The following TAFA4 variants were observed in gnomAD, a reference collection of about 807,000 sequenced individuals.
The protein encoded by TAFA4 is chemokine-like protein TAFA-4.
Under a neutral mutation model 21.1 loss-of-function variants are expected in TAFA4, and 20 were observed. The observed-to-expected ratio is 0.95, with a 90% confidence interval of 0.67 to 1.38. TAFA4 has a LOEUF of 1.38. Ranked by LOEUF, TAFA4 falls within the 40% of genes most tolerant of loss-of-function variation. TAFA4 has a pLI of 0.00. For missense variants in TAFA4, 211 were observed against 180.9 expected, an observed-to-expected ratio of 1.17 and a Z score of -0.95; for synonymous variants, 71 against 67.4, an observed-to-expected ratio of 1.05 and a Z score of -0.26.
At chr3:68,776,137 A>G (rs774265462) in intron 3 of TAFA4, among the ~76,000 whole-genome samples, 1 of 152,166 alleles carries the variant, frequency 6.6e-6, no homozygotes. Flanking sequence ...GCAAGCAGAA[A>G]ACAAAAAAAT....
At chr3:68,752,043 A>G (rs1702564804) in intron 4 of TAFA4, among the ~76,000 whole-genome samples, 1 of 152,208 alleles carries the variant, frequency 6.6e-6, no homozygotes, top group Non-Finnish European at 1.5e-5. Flanking sequence ...AATGGGATGC[A>G]GGTAAATCAG....
At chr3:68,915,887 A>C (rs933562747) in intron 1 of TAFA4, among the ~76,000 whole-genome samples, 3 of 152,214 alleles carry the variant, frequency 2.0e-5, no homozygotes, top group Admixed American at 2.0e-4. Flanking sequence ...AATTTATAAG[A>C]GAAATTTCTA....
chr3:68,873,337 T>TAC (rs34998311), intron 3 of TAFA4, among the ~76,000 whole-genome samples: 7,389 of 133,416 alleles, frequency 0.055, 294 homozygotes, highest in African/African-American at 0.11. Flanking sequence ...CACGCAGACA[T>TAC]ACACACACAC....
chr3:68,741,406 T>A (rs1702349659), intron 4 of TAFA4, among the ~76,000 whole-genome samples: 1 of 152,196 alleles, frequency 6.6e-6, no homozygotes, highest in Non-Finnish European at 1.5e-5. Flanking sequence ...CTTCCTTAAT[T>A]TCTTGGATTG....
intron 3 of TAFA4, among the ~76,000 whole-genome samples, chr3:68,874,287 A>T (rs530014653): frequency 6.6e-6 from 1 of 152,264 alleles, no homozygotes; most frequent in East Asian, 1.9e-4. Flanking sequence ...ATGGGTTTTT[A>T]AATGTCCCTT....
At chr3:68,921,772 G>A (rs1013926945) in intron 1 of TAFA4, among the ~76,000 whole-genome samples, 4 of 152,234 alleles carry the variant, frequency 2.6e-5, no homozygotes, top group East Asian at 1.9e-4. Context: ...AAAGTATATG[G>A]AAATTGAAGC....
In TAFA4 at chr3:68,841,131, G is replaced by A. The variant is rs964479515; in HGVS notation, c.130+39599C>T. Among the ~76,000 whole-genome samples the A allele has an allele frequency of 2.6e-4, 19 of 74,024 alleles. 4 individuals are homozygous for A. Among genetic ancestry groups the A allele is most frequent in the Non-Finnish European group, 4.7e-4 (13 of 27,764 alleles). The allele number at this position is 74,024 out of a possible 152,430, so 48.6% of individuals were successfully genotyped here. A position where few individuals can be genotyped will look rare whatever the true frequency, so the allele number is the denominator to read the frequency against. On this transcript the variant is annotated intron_variant, in intron 3 of 5. Transcript: ENST00000295569. Reference sequence around the variant, plus strand: ...GAGGTCAGGAGATCGAGACCATCCCGGCTAAAACGGTGAAACCCCGTCTCT... The same window carrying A: ...GAGGTCAGGAGATCGAGACCATCCCAGCTAAAACGGTGAAACCCCGTCTCT...
intron 1 of TAFA4, among the ~76,000 whole-genome samples, chr3:68,898,504 G>C (rs568196347): frequency 2.4e-4 from 36 of 152,274 alleles, no homozygotes; most frequent in Middle Eastern, 3.4e-3. Context: ...AAATTAGCCA[G>C]GCATAGTGGC....
At chr3:68,846,528 A>G (rs1037591393) in intron 3 of TAFA4, among the ~76,000 whole-genome samples, 4 of 152,010 alleles carry the variant, frequency 2.6e-5, no homozygotes, top group Non-Finnish European at 5.9e-5. Context: ...TCAACTCGTC[A>G]AACTCATTCT....
chr3:68,741,157 G>A (rs991363848), intron 4 of TAFA4, among the ~76,000 whole-genome samples: 1 of 152,080 alleles, frequency 6.6e-6, no homozygotes, highest in South Asian at 2.1e-4. Flanking sequence ...TGAATTTTAG[G>A]ACTGTTTTTC....
intron 3 of TAFA4, among the ~76,000 whole-genome samples, chr3:68,879,775 A>G (rs1197380072): frequency 6.6e-6 from 1 of 152,206 alleles, no homozygotes; most frequent in Admixed American, 6.5e-5. Flanking sequence ...GACATGTTAT[A>G]TATTTGGTGG....
intron 3 of TAFA4, among the ~76,000 whole-genome samples, chr3:68,802,057 T>G (rs6773337): frequency 0.43 from 66,039 of 151,920 alleles, 14,637 homozygotes; most frequent in Non-Finnish European, 0.46. Context: ...AATACACATC[T>G]ATGTTCACAA....
intron 3 of TAFA4, among the ~76,000 whole-genome samples, chr3:68,774,051 G>A (rs1028006063): frequency 6.6e-6 from 1 of 152,110 alleles, no homozygotes; most frequent in African/African-American, 2.4e-5. Context: ...ATGAACTACA[G>A]CAGTCAAGCT....
chr3:68,763,435 T>A (rs192950178), intron 3 of TAFA4, among the ~76,000 whole-genome samples: 64 of 152,268 alleles, frequency 4.2e-4, no homozygotes, highest in Non-Finnish European at 1.8e-4. Context: ...TTTAATATAT[T>A]TCAAGGAAAA....
In TAFA4 at chr3:68,912,553, A is replaced by T. The variant is rs143081528; in HGVS notation, c.-123+19687T>A. On this transcript the variant is annotated intron_variant, in intron 1 of 5. Coordinates refer to ENST00000295569, the MANE Select transcript of TAFA4 (RefSeq NM_182522.5). ...CTGCCGTGTTTTCGCAGTGTTGGGG[A>T]CCAGATGAGCGAGCGAGCGGCATGC... Among the ~76,000 whole-genome samples, 156 of 152,336 alleles carry T rather than the reference A, an allele frequency of 1.0e-3. No homozygotes were observed. The East Asian group carries it at 0.017, about 16-fold the overall frequency.
At chr3:68,733,236 C>T (rs1702183217) in intron 5 of TAFA4, 83 bp from the exon 6 acceptor site, 3 of 1,528,792 alleles carry the variant, frequency 2.0e-6, no homozygotes, top group South Asian at 1.2e-5. Context: ...CAATAAGGTC[C>T]TGACTGTGAA....
At chr3:68,751,172 T>C (rs1702551555) in intron 4 of TAFA4, among the ~76,000 whole-genome samples, 1 of 152,154 alleles carries the variant, frequency 6.6e-6, no homozygotes, top group Non-Finnish European at 1.5e-5. Flanking sequence ...TTGCCTAGGG[T>C]AGAGTACTTG....
chr3:68,888,830 A>G (rs1186240711), intron 1 of TAFA4, among the ~76,000 whole-genome samples: 1 of 151,950 alleles, frequency 6.6e-6, no homozygotes, highest in African/African-American at 2.4e-5. Context: ...TCCATTCATG[A>G]GGGTGGAGGC....
At position 68,896,926 on chromosome 3, in the gene TAFA4, C is replaced by T. The variant is rs138797114; in HGVS notation, c.-122-11616G>A. On this transcript the variant is annotated intron_variant, in intron 1 of 5. Coordinates refer to ENST00000295569, the MANE Select transcript of TAFA4 (RefSeq NM_182522.5). The stretch of plus-strand genomic sequence containing the variant: ...TTGTTTAGTTTTGTTTTTATTGAGA[C>T]GAAGTCTCAGTCTGTCACCCAGGCT... Among the ~76,000 whole-genome samples the T allele has an allele frequency of 3.0e-4, 45 of 152,306 alleles. 1 individual carries two copies. In the East Asian group the frequency reaches 6.8e-3, roughly 23 times the overall value.
Sources: allele counts gnomAD v4.1 joint callset (sites outside exome capture counted in the v4.1 genomes callset), GRCh38; gene constraint gnomAD v4.1.1; transcripts MANE v1.5; gene names NCBI Gene and HGNC (gene_info 2026-07-23, HGNC 2026-07-21).